The following SLC26A7 variants were observed in gnomAD, a reference collection of about 807,000 sequenced individuals.
The protein encoded by SLC26A7 is anion exchange transporter.
Under a neutral mutation model 82.5 loss-of-function variants are expected in SLC26A7, and 59 were observed. That is an observed-to-expected ratio of 0.72 (90% confidence interval 0.58 to 0.89). The LOEUF is 0.89. Among genes scored for constraint, SLC26A7 ranks in the 40% least tolerant of loss-of-function variants. The pLI is 0.00. For missense variants in SLC26A7, 820 were observed against 793.0 expected, an observed-to-expected ratio of 1.03 and a Z score of -0.41; for synonymous variants, 271 against 274.3, an observed-to-expected ratio of 0.99 and a Z score of 0.12.
At chr8:91,389,535 G>A in intron 16 of SLC26A7, 97 bp downstream of exon 16, 1 of 850,460 alleles carries the variant, frequency 1.2e-6, no homozygotes, top group Non-Finnish European at 2.0e-6. Flanking sequence ...CCTGCTTGTT[G>A]CAATACTCAT....
intron 4 of SLC26A7, among the ~76,000 whole-genome samples, chr8:91,311,451 TCACA>T (rs371594926): frequency 6.6e-6 from 1 of 151,430 alleles, no homozygotes; most frequent in Non-Finnish European, 1.5e-5. Context: ...ATACACACAC[TCACA>T]CACACACATA....
intron 5 of SLC26A7, among the ~76,000 whole-genome samples, chr8:91,331,192 A>G (rs1425206817): frequency 6.6e-6 from 1 of 152,186 alleles, no homozygotes; most frequent in Non-Finnish European, 1.5e-5. Context: ...ACTGGGGGTT[A>G]GGACTTCAAC....
chr8:91,286,754 A>T (rs1811722590), intron 2 of SLC26A7, among the ~76,000 whole-genome samples: 1 of 151,994 alleles, frequency 6.6e-6, no homozygotes, highest in South Asian at 2.1e-4. Context: ...TTTTGGGGGG[A>T]CTTAACATAT....
In SLC26A7 at chr8:91,351,824, A is replaced by G. The variant is rs778390916; in HGVS notation, c.1155A>G (p.Ile385Met). The change falls in exon 10 of 19, where the codon ATA becomes ATG. Residue 385 changes from isoleucine (I) to methionine (M), a missense_variant. Coordinates refer to ENST00000276609, the MANE Select transcript of SLC26A7 (RefSeq NM_052832.4). ...GTATTTTACAGGTGGCTTGTCTAAT[A>G]TCTTGCATTTTCGTCCTTATAGTCA... ...TGAKTQVACL[I>M]SCIFVLIVIY... 6.8e-6 allele frequency: 11 copies of G among 1,611,712 alleles called. No homozygotes were observed. The East Asian group carries it at 1.3e-4, about 20-fold the overall frequency.
chr8:91,344,386 A>T (rs1352546195), intron 9 of SLC26A7: 2 of 168,012 alleles, frequency 1.2e-5, no homozygotes, highest in African/African-American at 2.4e-5. Context: ...ATTAACATTA[A>T]CAGCAAACCA....
chr8:91,259,060 C>T (rs1454037309), intron 2 of SLC26A7, among the ~76,000 whole-genome samples: 1 of 152,064 alleles, frequency 6.6e-6, no homozygotes, highest in African/African-American at 2.4e-5. Flanking sequence ...CTAGCTCCTT[C>T]CTGAAACTCC....
chr8:91,210,387 A>G (rs753998165), intron 1 of SLC26A7, among the ~76,000 whole-genome samples: 2 of 152,180 alleles, frequency 1.3e-5, no homozygotes, highest in Non-Finnish European at 2.9e-5. Context: ...TTGATTGATG[A>G]TGATACCATT....
Position 91,271,755 on chromosome 8 carries a change from C to T in SLC26A7, c.194-17381C>T, listed in dbSNP as rs375855093. ...GACTACAGGCGCCTGCCACCATGCC[C>T]GGCTAATTTTTTGTATTTTTAGTAG... On this transcript the variant is annotated intron_variant, in intron 2 of 18. Coordinates refer to ENST00000276609, the MANE Select transcript of SLC26A7 (RefSeq NM_052832.4). Among the ~76,000 whole-genome samples the T allele has an allele frequency of 6.6e-5, 10 of 152,092 alleles. 1 individual carries two copies. The highest frequency in any genetic ancestry group is 1.9e-4 in the East Asian group (1 of 5,166).
In SLC26A7 at chr8:91,279,147, A is replaced by G. The variant is rs1189541877; in HGVS notation, c.194-9989A>G. ...TGTGTATATATATATATATATATAT[A>G]TATATATATATATATATATGTATCA... On this transcript the variant is annotated intron_variant, in intron 2 of 18. Transcript: ENST00000276609. Among the ~76,000 whole-genome samples, 24 of 110,406 alleles carry G rather than the reference A, an allele frequency of 2.2e-4. 1 individual carries two copies. Among genetic ancestry groups the G allele is most frequent in the Admixed American group, 8.0e-4 (9 of 11,250 alleles). 72.4% of individuals were successfully genotyped at this position (110,406 alleles called of 152,430 possible). A position where few individuals can be genotyped will look rare whatever the true frequency, so the allele number is the denominator to read the frequency against.
chr8:91,306,886 T>C (rs1050713088), intron 4 of SLC26A7, among the ~76,000 whole-genome samples: 4 of 151,812 alleles, frequency 2.6e-5, no homozygotes, highest in African/African-American at 4.8e-5. Flanking sequence ...AGAAAATTTT[T>C]GCAACCTACT....
intron 7 of SLC26A7, 124 bp from the exon 8 acceptor site, chr8:91,340,280 T>TTC (rs1813365689): frequency 3.2e-6 from 4 of 1,237,478 alleles, no homozygotes; most frequent in Admixed American, 4.8e-5. Context: ...CTGCTTGGTT[T>TTC]TCTCATGGGT....
chr8:91,335,853 C>A (rs373915145), intron 6 of SLC26A7, among the ~76,000 whole-genome samples: 7 of 152,120 alleles, frequency 4.6e-5, no homozygotes, highest in Admixed American at 1.3e-4. Context: ...TTTTCCTAGT[C>A]GTTTATGTTC....
intron 16 of SLC26A7, among the ~76,000 whole-genome samples, chr8:91,390,185 A>G (rs926341706): frequency 6.8e-6 from 1 of 147,030 alleles, no homozygotes; most frequent in African/African-American, 2.5e-5. Context: ...ATCTCGGCTC[A>G]CTGCAAATAC....
chr8:91,243,990 T>A (rs1256403439), intron 2 of SLC26A7, among the ~76,000 whole-genome samples: 1 of 152,138 alleles, frequency 6.6e-6, no homozygotes, highest in Admixed American at 6.5e-5. Flanking sequence ...AGTTGCAAAA[T>A]GAGATACAAA....
intron 7 of SLC26A7, 127 bp from the exon 8 acceptor site, chr8:91,340,277 G>T: frequency 9.1e-6 from 11 of 1,209,256 alleles, no homozygotes; most frequent in Non-Finnish European, 1.3e-5. Context: ...AGGCTGCTTG[G>T]TTTTCTCATG....
intron 5 of SLC26A7, among the ~76,000 whole-genome samples, chr8:91,329,312 G>A (rs1379515596): frequency 6.6e-6 from 1 of 152,090 alleles, no homozygotes; most frequent in Non-Finnish European, 1.5e-5. Flanking sequence ...TGTATCATGA[G>A]CCTGTTTTAG....
chr8:91,340,696 C>A, intron 8 of SLC26A7, 145 bp downstream of exon 8: 1 of 932,664 alleles, frequency 1.1e-6, no homozygotes, highest in Non-Finnish European at 1.6e-6. Context: ...AGAAAAATAT[C>A]AAAATCATTC....
chr8:91,323,257 A>G (rs1812840684), intron 5 of SLC26A7, among the ~76,000 whole-genome samples: 1 of 152,222 alleles, frequency 6.6e-6, no homozygotes, highest in East Asian at 1.9e-4. Context: ...ACTTGATTCA[A>G]TCAGTGATGC....
rs74774640 is a variant in SLC26A7 at position 91,290,531 on chromosome 8, A to G, written c.304+1285A>G. 2.5e-4 allele frequency among the ~76,000 whole-genome samples: 38 copies of G among 152,308 alleles called. No homozygotes were observed. The East Asian group carries it at 2.5e-3, about 10-fold the overall frequency. On this transcript the variant is annotated intron_variant, in intron 3 of 18. Transcript: ENST00000276609. ...ACCATGCGATATGTAAACATGCAGT[A>G]TCGCATCTTCAAATTCTCTTTGACT...
Sources: allele counts gnomAD v4.1 joint callset (sites outside exome capture counted in the v4.1 genomes callset), GRCh38; gene constraint gnomAD v4.1.1; transcripts MANE v1.5; gene names NCBI Gene and HGNC (gene_info 2026-07-23, HGNC 2026-07-21).